The following PRUNE2 variants were observed in gnomAD, a reference collection of about 807,000 sequenced individuals.
PRUNE2 encodes prune homolog 2 with BCH domain, also known as protein prune homolog 2.
A neutral mutation model predicts 252.0 loss-of-function variants in PRUNE2; 164 were observed. The ratio of observed to expected loss-of-function variants is 0.65; its 90% CI spans 0.57 to 0.74. PRUNE2 has a LOEUF of 0.74. Ranked by LOEUF, PRUNE2 falls within the 30% of genes least tolerant of loss-of-function variation. The pLI, the probability that PRUNE2 is intolerant of heterozygous loss-of-function variation, is 0.00. For missense variants in PRUNE2, 3,495 were observed against 3,711.0 expected, an observed-to-expected ratio of 0.94 and a Z score of 1.51; for synonymous variants, 1,292 against 1,350.2, an observed-to-expected ratio of 0.96 and a Z score of 0.94.
chr9:76,707,036 T>C lies in PRUNE2; in HGVS notation c.5238A>G (p.Pro1746=). ...NIYDYLDSSE[P]AENENKSNPF... is the part of the protein sequence containing the mutation. ...GGTTTGACTTATTCTCATTCTCTGC[T>C]GGCTCTGAGCTGTCTAGGTAGTCAT... The change falls in exon 8 of 19, where the codon CCA becomes CCG. Residue 1746 remains proline, a synonymous_variant. Coordinates refer to ENST00000376718, the MANE Select transcript of PRUNE2 (RefSeq NM_015225.3). The C allele has an allele frequency of 6.2e-7, 1 of 1,614,034 alleles. No individual in the cohort carries two copies. The highest frequency in any genetic ancestry group is 8.5e-7 in the Non-Finnish European group (1 of 1,179,878).
chr9:76,857,328 C>T (rs1288105447), intron 1 of PRUNE2, among the ~76,000 whole-genome samples: 2 of 151,980 alleles, frequency 1.3e-5, no homozygotes, highest in African/African-American at 4.8e-5. Flanking sequence ...CCTGAGTTAA[C>T]GTGTCACCAA....
chr9:76,845,542 C>T (rs1461859602), intron 4 of PRUNE2, among the ~76,000 whole-genome samples: 6 of 152,172 alleles, frequency 3.9e-5, no homozygotes, highest in African/African-American at 1.4e-4. Flanking sequence ...GGCAGGTTTA[C>T]GAAGGCCATC....
intron 6 of PRUNE2, chr9:76,786,617 G>A (rs2055012695): frequency 6.6e-6 from 1 of 152,062 alleles, no homozygotes; most frequent in African/African-American, 2.4e-5. Context: ...CTGTTGCTTT[G>A]GACTTCCCCA....
chr9:76,645,430 A>G (rs1166998014), intron 11 of PRUNE2, among the ~76,000 whole-genome samples: 2 of 152,188 alleles, frequency 1.3e-5, no homozygotes, highest in South Asian at 4.1e-4. Flanking sequence ...TGAGCCCCCT[A>G]TTGGGAGCAT....
At chr9:76,859,703 T>G (rs2132762713) in intron 1 of PRUNE2, among the ~76,000 whole-genome samples, 1 of 151,956 alleles carries the variant, frequency 6.6e-6, no homozygotes, top group African/African-American at 2.4e-5. Flanking sequence ...GTTTGTTTGT[T>G]TGTTTGTTTG....
chr9:76,861,349 G>C (rs1397210184), intron 1 of PRUNE2, among the ~76,000 whole-genome samples: 2 of 152,074 alleles, frequency 1.3e-5, no homozygotes. Context: ...CTCTCCCTCC[G>C]GGTCTCAAAT....
intron 11 of PRUNE2, among the ~76,000 whole-genome samples, chr9:76,647,885 C>T (rs564605045): frequency 2.4e-3 from 359 of 152,200 alleles, no homozygotes; most frequent in African/African-American, 6.6e-3. Flanking sequence ...TCGCTTGAAC[C>T]CAAGAGCTAG....
chr9:76,625,443 A>G (rs928785096), intron 16 of PRUNE2, among the ~76,000 whole-genome samples: 2 of 152,222 alleles, frequency 1.3e-5, no homozygotes, highest in African/African-American at 4.8e-5. Context: ...TGATGTCTAC[A>G]CAATGATGAA....
Position 76,706,811 on chromosome 9 carries a change from G to A in PRUNE2, c.5463C>T (p.Gly1821=), listed in dbSNP as rs1047319451. The change falls in exon 8 of 19, where the codon GGC becomes GGT. Residue 1821 remains glycine (G), a synonymous_variant. Coordinates refer to ENST00000376718, the MANE Select transcript of PRUNE2 (RefSeq NM_015225.3). ...ACCACTCAGTGCTATCAGCTGAGAA[G>A]CCCAGCATTTCCAGTTGAGAATTAT... ...NEDNSQLEML[G]FSADSTEWWK... is the part of the protein sequence containing the mutation. The A allele has an allele frequency of 5.0e-6, 8 of 1,601,524 alleles. No homozygotes were observed. The highest frequency in any genetic ancestry group is 2.7e-5 in the African/African-American group (2 of 74,374).
chr9:76,880,939 G>A (rs1426014568), intron 1 of PRUNE2, among the ~76,000 whole-genome samples: 3 of 150,770 alleles, frequency 2.0e-5, no homozygotes, highest in Non-Finnish European at 4.4e-5. Context: ...ACAAATAGAA[G>A]CTCTGGGACA....
rs769454050 is a variant in PRUNE2 at position 76,706,688 on chromosome 9, G to A, written c.5586C>T (p.His1862=). 4.3e-6 allele frequency: 7 copies of A among 1,613,526 alleles called. No individual in the cohort carries two copies. Among genetic ancestry groups the A allele is most frequent in the African/African-American group, 1.3e-5 (1 of 74,984 alleles). Residue 1862 remains histidine (H), a synonymous_variant, in exon 8 of 19, where the codon CAC becomes CAT. Coordinates refer to ENST00000376718, the MANE Select transcript of PRUNE2 (RefSeq NM_015225.3). ...GTACTCCCCAGGGACTGGCATTTTGGTGTACTGAAGAATTTATCTCCAACA... is the reference window on the plus strand; with the variant it reads ...GTACTCCCCAGGGACTGGCATTTTGATGTACTGAAGAATTTATCTCCAACA... The part of the protein sequence containing the change: ...SGVLEINSSV[H]QNASPWGVPV...
chr9:76,669,769 G>T (rs1218830059), intron 9 of PRUNE2, among the ~76,000 whole-genome samples: 1 of 152,136 alleles, frequency 6.6e-6, no homozygotes, highest in Admixed American at 6.5e-5. Context: ...ACCCTCACTT[G>T]GCTTTGGAGG....
At chr9:76,642,014 AAAAGAAAAG>A in intron 12 of PRUNE2, 2 of 1,352,540 alleles carry the variant, frequency 1.5e-6, no homozygotes, top group Non-Finnish European at 2.0e-6. Flanking sequence ...AAAAAAAAAA[AAAAGAAAAG>A]AAAAAGAAAA....
At chr9:76,727,509 G>A (rs2048198178) in intron 6 of PRUNE2, among the ~76,000 whole-genome samples, 1 of 152,030 alleles carries the variant, frequency 6.6e-6, no homozygotes, top group Non-Finnish European at 1.5e-5. Context: ...ATGAAACCAA[G>A]CTTCGATTCT....
chr9:76,714,463 C>T (rs1226061133), intron 6 of PRUNE2, among the ~76,000 whole-genome samples: 9 of 152,134 alleles, frequency 5.9e-5, no homozygotes, highest in African/African-American at 2.2e-4. Flanking sequence ...GGCGTTATCT[C>T]GGCTCACTGC....
At chr9:76,621,382 C>T (rs949814466) in intron 17 of PRUNE2, among the ~76,000 whole-genome samples, 13 of 152,182 alleles carry the variant, frequency 8.5e-5, no homozygotes, top group African/African-American at 2.7e-4. Flanking sequence ...GATTCTAAGG[C>T]ATTCCAATCA....
chr9:76,765,540 A>G lies in PRUNE2; in HGVS notation c.757-51819T>C, dbSNP rs1355056299. On this transcript the variant is annotated intron_variant, in intron 6 of 18. Transcript: ENST00000376718. ...ATAATTGCATTCTAGCAATTAGCAC[A>G]CTGTCTGATGGGGAGGTGGCTCAAT... Among the ~76,000 whole-genome samples, 3 of 152,184 alleles carry G rather than the reference A, an allele frequency of 2.0e-5. No homozygotes were observed. In the East Asian group the frequency reaches 5.8e-4, roughly 29 times the overall value.
chr9:76,821,184 A>T (rs943955460), intron 6 of PRUNE2, among the ~76,000 whole-genome samples: 1 of 152,238 alleles, frequency 6.6e-6, no homozygotes, highest in African/African-American at 2.4e-5. Context: ...AAGAGTTATC[A>T]TGATGCACCT....
intron 1 of PRUNE2, among the ~76,000 whole-genome samples, chr9:76,872,645 C>G (rs142899628): frequency 1.1e-4 from 12 of 111,994 alleles, no homozygotes; most frequent in Non-Finnish European, 2.4e-4. Flanking sequence ...ACACACACAC[C>G]CTCACACCTC....
Sources: gnomAD v4.1 joint callset for allele counts (sites outside exome capture counted in the v4.1 genomes callset) on GRCh38, gnomAD v4.1.1 for gene constraint, MANE v1.5 for transcripts, NCBI Gene and HGNC (gene_info 2026-07-23, HGNC 2026-07-21) for gene names.